Variants in LRP1B observed in about 807,000 individuals in gnomAD.
LRP1B encodes LDL receptor related protein 1B, also known as low-density lipoprotein receptor-related protein 1B.
Under a neutral mutation model 556.6 loss-of-function variants are expected in LRP1B, and 217 were observed. That is an observed-to-expected ratio of 0.39 (90% CI 0.35 to 0.44). The LOEUF is 0.44. Among genes scored for constraint, LRP1B ranks in the 20% least tolerant of loss-of-function variants. The pLI, the probability that LRP1B is intolerant of heterozygous loss-of-function variation, is 1.00. For synonymous variants in LRP1B, 2,047 were observed against 1,865.8 expected (o/e 1.10, Z -2.50); for missense variants, 5,053 against 5,620.8 (o/e 0.90, Z 3.23).
chr2:141,048,855 T>A, intron 11 of LRP1B, 131 bp downstream of exon 11: 1 of 704,338 alleles, frequency 1.4e-6, no homozygotes, highest in Non-Finnish European at 2.5e-6. Context: ...AGAAATAACA[T>A]TAAAAAATAT....
intron 7 of LRP1B, among the ~76,000 whole-genome samples, chr2:141,130,128 A>T (rs1441831914): frequency 1.3e-5 from 2 of 152,190 alleles, no homozygotes; most frequent in Admixed American, 1.3e-4. Flanking sequence ...CCATTAAAAA[A>T]TATTTAAATT....
chr2:141,218,903 C>A (rs949617111), intron 6 of LRP1B, among the ~76,000 whole-genome samples: 1 of 152,106 alleles, frequency 6.6e-6, no homozygotes, highest in Non-Finnish European at 1.5e-5. Flanking sequence ...GGTTCTCTCA[C>A]TGGGACTGAC....
chr2:140,883,639 G>T (rs2105186021), intron 25 of LRP1B, among the ~76,000 whole-genome samples, 178 bp downstream of exon 25: 1 of 151,074 alleles, frequency 6.6e-6, no homozygotes, highest in Middle Eastern at 3.5e-3. Flanking sequence ...TAATAAACTA[G>T]TTGCTGTATG....
chr2:141,925,643 G>A (rs964428736), intron 1 of LRP1B, among the ~76,000 whole-genome samples: 2 of 152,130 alleles, frequency 1.3e-5, no homozygotes, highest in Non-Finnish European at 2.9e-5. Context: ...TTACACTTTA[G>A]CCTGGGGTCA....
chr2:140,873,041 T>G (rs541295553), intron 25 of LRP1B, among the ~76,000 whole-genome samples: 3 of 152,082 alleles, frequency 2.0e-5, no homozygotes, highest in Non-Finnish European at 4.4e-5. Flanking sequence ...TAGTCAAATA[T>G]TTTTTCCAGT....
At chr2:141,161,780 T>C (rs1680044272) in intron 7 of LRP1B, among the ~76,000 whole-genome samples, 1 of 152,070 alleles carries the variant, frequency 6.6e-6, no homozygotes, top group Non-Finnish European at 1.5e-5. Flanking sequence ...ATTCTTAAAC[T>C]CAGGATGCTC....
At chr2:140,996,967 T>A (rs1361052607) in intron 15 of LRP1B, among the ~76,000 whole-genome samples, 1 of 151,964 alleles carries the variant, frequency 6.6e-6, no homozygotes, top group Non-Finnish European at 1.5e-5. Flanking sequence ...GCTTTTAGTA[T>A]ATTAACAAGT....
intron 7 of LRP1B, among the ~76,000 whole-genome samples, chr2:141,085,858 A>C (rs918741479): frequency 2.0e-5 from 3 of 152,164 alleles, no homozygotes; most frequent in African/African-American, 7.2e-5. Flanking sequence ...TCTTTCACCT[A>C]TTTTAATCTA....
intron 2 of LRP1B, among the ~76,000 whole-genome samples, chr2:141,616,034 A>G (rs1688285398): frequency 6.6e-6 from 1 of 152,210 alleles, no homozygotes; most frequent in South Asian, 2.1e-4. Flanking sequence ...CTGTAATCCC[A>G]GCACTTTGGG....
At chr2:141,146,694 T>C (rs949866069) in intron 7 of LRP1B, among the ~76,000 whole-genome samples, 1 of 152,178 alleles carries the variant, frequency 6.6e-6, no homozygotes, top group African/African-American at 2.4e-5. Flanking sequence ...TTTCAGGCCA[T>C]TTTTGTCCTC....
intron 41 of LRP1B, among the ~76,000 whole-genome samples, chr2:140,633,263 A>C (rs1683954941): frequency 6.7e-6 from 1 of 148,158 alleles, no homozygotes; most frequent in Admixed American, 6.8e-5. Context: ...GCTCAAAAAT[A>C]TTTAGAGTAA....
rs115817260 is a variant in LRP1B, at chr2:141,649,595, C to G, written c.205+160684G>C. 8.8e-3 allele frequency among the ~76,000 whole-genome samples: 1,335 copies of G among 152,254 alleles called. 13 individuals carry two copies. Among genetic ancestry groups the G allele is most frequent in the African/African-American group, 0.031 (1,280 of 41,544 alleles). On this transcript the variant is annotated intron_variant, in intron 2 of 90. Coordinates refer to ENST00000389484, the MANE Select transcript of LRP1B (RefSeq NM_018557.3). ...TGAAATTGTGTGTATAAGACTATTTCTCCATTCTACTTCCATAGCTAGCTC... is the reference window on the plus strand; with the variant it reads ...TGAAATTGTGTGTATAAGACTATTTGTCCATTCTACTTCCATAGCTAGCTC...
At chr2:141,751,000 A>T (rs1043243439) in intron 2 of LRP1B, among the ~76,000 whole-genome samples, 1 of 151,994 alleles carries the variant, frequency 6.6e-6, no homozygotes, top group African/African-American at 2.4e-5. Flanking sequence ...TAATCTCAAG[A>T]TTATTCACCA....
At chr2:141,214,121 G>T (rs1230282247) in intron 6 of LRP1B, among the ~76,000 whole-genome samples, 1 of 152,176 alleles carries the variant, frequency 6.6e-6, no homozygotes, top group African/African-American at 2.4e-5. Context: ...CAAAGATGCT[G>T]AAGGCTGACT....
chr2:142,078,299 A>C (rs972885508), intron 1 of LRP1B, among the ~76,000 whole-genome samples: 7 of 152,142 alleles, frequency 4.6e-5, no homozygotes, highest in African/African-American at 1.7e-4. Context: ...TGCTTATGCT[A>C]TACTTCTTAC....
chr2:141,295,416 T>G (rs1211045675), intron 3 of LRP1B, among the ~76,000 whole-genome samples: 11 of 152,188 alleles, frequency 7.2e-5, no homozygotes, highest in African/African-American at 2.2e-4. Context: ...TACATCACAC[T>G]GACTATCTAA....
chr2:142,117,486 T>C (rs978449248), intron 1 of LRP1B, among the ~76,000 whole-genome samples: 1 of 152,094 alleles, frequency 6.6e-6, no homozygotes, highest in Non-Finnish European at 1.5e-5. Flanking sequence ...TGTGACCCAG[T>C]CCAGCCTTCT....
At chr2:141,167,156 A>T (rs1027788027) in intron 7 of LRP1B, 28 of 151,886 alleles carry the variant, frequency 1.8e-4, no homozygotes, top group African/African-American at 6.0e-4. Context: ...TAAACCTCTC[A>T]ATCAAAATCC....
chr2:140,915,670 A>G (rs1161065504), intron 21 of LRP1B, among the ~76,000 whole-genome samples: 2 of 150,520 alleles, frequency 1.3e-5, no homozygotes, highest in African/African-American at 2.4e-5. Flanking sequence ...ATAAATAAAT[A>G]AATAAATAAA....
Sources: gnomAD v4.1 joint callset for allele counts (sites outside exome capture counted in the v4.1 genomes callset) on GRCh38, gnomAD v4.1.1 for gene constraint, MANE v1.5 for transcripts, NCBI Gene and HGNC (gene_info 2026-07-23, HGNC 2026-07-21) for gene names.